Variants in PARP8 observed in about 807,000 individuals in gnomAD.
PARP8 encodes the protein protein mono-ADP-ribosyltransferase PARP8.
In PARP8, 51 loss-of-function variants were observed where a neutral mutation model predicts 124.1. The observed-to-expected ratio is 0.41, with a 90% CI of 0.33 to 0.52. The LOEUF is 0.52. Ranked by LOEUF, PARP8 falls within the 20% of genes least tolerant of loss-of-function variation. The probability of loss-of-function intolerance (pLI) is 0.21; values close to 1 mark genes in which losing one functional copy is unlikely to be tolerated. For synonymous variants in PARP8, 391 were observed against 361.5 expected (o/e 1.08, Z -0.93); for missense variants, 860 against 1,018.9 (o/e 0.84, Z 2.12).
chr5:50,747,881 T>C (rs1269415281), intron 2 of PARP8, among the ~76,000 whole-genome samples: 1 of 147,176 alleles, frequency 6.8e-6, no homozygotes, highest in East Asian at 2.1e-4. Flanking sequence ...CACGCCATTC[T>C]CCTGCCCCAG....
intron 14 of PARP8, among the ~76,000 whole-genome samples, chr5:50,810,890 C>A (rs1744362564): frequency 6.6e-6 from 1 of 151,948 alleles, no homozygotes; most frequent in African/African-American, 2.4e-5. Context: ...ATAAATTAAT[C>A]ACATTATGAC....
chr5:50,688,257 A>G (rs1752093493), intron 2 of PARP8, among the ~76,000 whole-genome samples: 1 of 152,142 alleles, frequency 6.6e-6, no homozygotes, highest in Admixed American at 6.5e-5. Flanking sequence ...ACCTTGGAAA[A>G]CCAGGGAACA....
chr5:50,753,520 A>G (rs531204920), intron 3 of PARP8, among the ~76,000 whole-genome samples: 1 of 152,198 alleles, frequency 6.6e-6, no homozygotes, highest in South Asian at 2.1e-4. Flanking sequence ...TACTTTCCAT[A>G]TTTGAAAAAG....
At chr5:50,790,955 G>A (rs1016705187) in intron 10 of PARP8, among the ~76,000 whole-genome samples, 4 of 151,972 alleles carry the variant, frequency 2.6e-5, no homozygotes, top group Admixed American at 1.3e-4. Flanking sequence ...TGATCCTTAA[G>A]GTCACTGCCA....
At chr5:50,741,685 T>G (rs1386144667) in intron 2 of PARP8, 1 of 253,676 alleles carries the variant, frequency 3.9e-6, no homozygotes, top group African/African-American at 2.4e-5. Context: ...GTTTTGAAAA[T>G]AGGAAAATAT....
chr5:50,748,488 T>C (rs760888626), intron 2 of PARP8, among the ~76,000 whole-genome samples: 3 of 152,218 alleles, frequency 2.0e-5, no homozygotes, highest in Non-Finnish European at 2.9e-5. Context: ...CTTTTGACTT[T>C]CCGTCTGGTA....
At chr5:50,783,728 C>A (rs1252798393) in intron 9 of PARP8, among the ~76,000 whole-genome samples, 1 of 152,080 alleles carries the variant, frequency 6.6e-6, no homozygotes, top group Non-Finnish European at 1.5e-5. Context: ...ATGGGTTGGT[C>A]TAATCTGAGC....
At chr5:50,771,275 T>G (rs1365510141) in intron 7 of PARP8, among the ~76,000 whole-genome samples, 1 of 152,168 alleles carries the variant, frequency 6.6e-6, no homozygotes, top group Admixed American at 6.5e-5. Context: ...TTCTCCTTTG[T>G]CAGCCTCCTG....
At chr5:50,710,039 A>G (rs1009980106) in intron 2 of PARP8, among the ~76,000 whole-genome samples, 16 of 150,278 alleles carry the variant, frequency 1.1e-4, no homozygotes, top group Non-Finnish European at 2.2e-4. Flanking sequence ...TATGTTTGAG[A>G]TGTTTGTGAA....
intron 2 of PARP8, among the ~76,000 whole-genome samples, chr5:50,686,095 G>A (rs920884933): frequency 1.3e-5 from 2 of 152,170 alleles, no homozygotes; most frequent in African/African-American, 4.8e-5. Context: ...CCAGTCCAAA[G>A]TCTCATCCAA....
intron 7 of PARP8, among the ~76,000 whole-genome samples, chr5:50,776,916 C>T (rs1740094942): frequency 6.6e-6 from 1 of 152,174 alleles, no homozygotes; most frequent in Admixed American, 6.5e-5. Context: ...CAATTCCTGA[C>T]TTCCCCACTA....
chr5:50,762,653 GTCAA>G (rs1760666454), intron 6 of PARP8, among the ~76,000 whole-genome samples: 1 of 152,144 alleles, frequency 6.6e-6, no homozygotes, highest in Non-Finnish European at 1.5e-5. Flanking sequence ...TTAGCAATTT[GTCAA>G]TCAAGCATGT....
Position 50,779,288 on chromosome 5 carries a change from A to G in PARP8, c.670+638A>G, listed in dbSNP as rs138853353. Among the ~76,000 whole-genome samples, 930 of 152,274 alleles carry G rather than the reference A, an allele frequency of 6.1e-3. 6 individuals are homozygous for G. The highest frequency in any genetic ancestry group is 0.012 in the South Asian group (57 of 4,830). On this transcript the variant is annotated intron_variant, in intron 9 of 25. Coordinates refer to ENST00000281631, the MANE Select transcript of PARP8 (RefSeq NM_024615.4). ...AGTTATCTAGTGTTACATTTAAAAA[A>G]AAATCCTAAAACTTAGTGGCTTAAA...
At chr5:50,700,182 C>T (rs1289765427) in intron 2 of PARP8, among the ~76,000 whole-genome samples, 1 of 152,120 alleles carries the variant, frequency 6.6e-6, no homozygotes, top group Non-Finnish European at 1.5e-5. Context: ...CCAGAATCAG[C>T]TTCTGGAAAA....
At chr5:50,701,848 G>A (rs1188706921) in intron 2 of PARP8, among the ~76,000 whole-genome samples, 6 of 152,052 alleles carry the variant, frequency 3.9e-5, no homozygotes, top group African/African-American at 9.6e-5. Context: ...GAAATTCTTC[G>A]TTTCTTATTT....
intron 2 of PARP8, among the ~76,000 whole-genome samples, chr5:50,735,888 T>G (rs1757420741): frequency 6.6e-6 from 1 of 151,458 alleles, no homozygotes. Context: ...GGGGGAGGGC[T>G]TAAGAAAGTA....
chr5:50,792,798 A>T (rs1404706022), intron 10 of PARP8, among the ~76,000 whole-genome samples: 1 of 152,114 alleles, frequency 6.6e-6, no homozygotes, highest in Non-Finnish European at 1.5e-5. Flanking sequence ...CACCACTTCC[A>T]CTGCTAAAAG....
At chr5:50,827,557 A>T (rs764601025) in intron 19 of PARP8, among the ~76,000 whole-genome samples, 1 of 152,160 alleles carries the variant, frequency 6.6e-6, no homozygotes, top group Non-Finnish European at 1.5e-5. Context: ...AGCAAACTCC[A>T]GAATATTTCC....
intron 24 of PARP8, among the ~76,000 whole-genome samples, chr5:50,834,352 T>TA (rs1747331428): frequency 1.3e-5 from 2 of 152,258 alleles, no homozygotes; most frequent in South Asian, 4.1e-4. Context: ...ACCTTCCTCT[T>TA]AAAGTTGGTA....
Sources: gnomAD v4.1 joint callset for allele counts (sites outside exome capture counted in the v4.1 genomes callset) on GRCh38, gnomAD v4.1.1 for gene constraint, MANE v1.5 for transcripts, NCBI Gene and HGNC (gene_info 2026-07-23, HGNC 2026-07-21) for gene names.